The following VAV1 variants were observed in gnomAD, a reference collection of about 807,000 sequenced individuals.
VAV1 encodes vav guanine nucleotide exchange factor 1.
Under a neutral mutation model 128.1 loss-of-function variants are expected in VAV1, and 33 were observed. The ratio of observed to expected loss-of-function variants is 0.26; its 90% confidence interval spans 0.20 to 0.34. VAV1 has a LOEUF of 0.34. Among genes scored for constraint, VAV1 ranks in the 10% least tolerant of loss-of-function variants. VAV1 has a pLI of 1.00. For synonymous variants in VAV1, 394 were observed against 409.8 expected (o/e 0.96, Z 0.47); for missense variants, 715 against 1,093.7 (o/e 0.65, Z 4.88).
chr19:6,786,016 G>A (rs1039938357), intron 1 of VAV1, among the ~76,000 whole-genome samples: 3 of 151,814 alleles, frequency 2.0e-5, no homozygotes, highest in African/African-American at 7.3e-5. Context: ...CATAGATTTC[G>A]CCCTCCCAAC....
At chr19:6,775,919 G>C (rs1970610040) in intron 1 of VAV1, among the ~76,000 whole-genome samples, 1 of 151,632 alleles carries the variant, frequency 6.6e-6, no homozygotes, top group South Asian at 2.1e-4. Context: ...CCCAGTTTCT[G>C]TCATTTCTCT....
chr19:6,825,192 G>C, intron 7 of VAV1, 71 bp downstream of exon 7: 1 of 1,576,904 alleles, frequency 6.3e-7, no homozygotes, highest in Non-Finnish European at 8.7e-7. Flanking sequence ...ACCTCTCCCT[G>C]GAGTACGGGG....
intron 2 of VAV1, among the ~76,000 whole-genome samples, chr19:6,821,212 T>A (rs1971774178): frequency 6.6e-6 from 1 of 152,028 alleles, no homozygotes; most frequent in African/African-American, 2.4e-5. Context: ...CCACCCTGGC[T>A]AACACAGTGA....
At chr19:6,853,873 G>A in intron 25 of VAV1, 74 bp from the exon 26 acceptor site, 3 of 1,563,614 alleles carry the variant, frequency 1.9e-6, no homozygotes, top group East Asian at 4.5e-5. Flanking sequence ...TTACTGTCCT[G>A]AGAGCTTGTG....
chr19:6,801,213 C>A (rs1971260770), intron 1 of VAV1, among the ~76,000 whole-genome samples: 1 of 152,232 alleles, frequency 6.6e-6, no homozygotes, highest in Non-Finnish European at 1.5e-5. Context: ...TGAATTAATG[C>A]ATGACCGGGT....
At chr19:6,837,202 C>A in intron 21 of VAV1, 152 bp downstream of exon 21, 1 of 727,512 alleles carries the variant, frequency 1.4e-6, no homozygotes, top group Non-Finnish European at 2.3e-6. Context: ...CCCACCCCAC[C>A]AACTGAGCCC....
chr19:6,786,241 C>G (rs1970890645), intron 1 of VAV1, among the ~76,000 whole-genome samples: 1 of 152,116 alleles, frequency 6.6e-6, no homozygotes, highest in African/African-American at 2.4e-5. Flanking sequence ...ATATATGATT[C>G]TAATTGCTTC....
At chr19:6,836,730 G>A (rs914197711) in intron 20 of VAV1, among the ~76,000 whole-genome samples, 162 bp downstream of exon 20, 13 of 151,912 alleles carry the variant, frequency 8.6e-5, no homozygotes, top group African/African-American at 2.9e-4. Context: ...TTTTCTGAGC[G>A]GGCCATCTTC....
At chr19:6,780,125 A>AATAATG (rs1970738443) in intron 1 of VAV1, among the ~76,000 whole-genome samples, 1 of 131,196 alleles carries the variant, frequency 7.6e-6, no homozygotes, top group African/African-American at 2.9e-5. Flanking sequence ...TAATAATAAT[A>AATAATG]ATAATAATAA....
chr19:6,822,614 C>T lies in VAV1; in HGVS notation c.654+100C>T. Reference sequence around the variant, plus strand: ...GGCCGCTCTGGGCAGCTGAGGATTTCCTGCTCCCATCGCTTTTCCTTTCTG... The same window carrying T: ...GGCCGCTCTGGGCAGCTGAGGATTTTCTGCTCCCATCGCTTTTCCTTTCTG... On this transcript the variant is annotated intron_variant, in intron 6 of 26. Transcript: ENST00000602142. This position sits in a 1 kb window ranked among gnomAD's most constrained non-coding sequence, Gnocchi z 5.9. 1 of 1,028,996 alleles carries T rather than the reference C, an allele frequency of 9.7e-7. No homozygotes were observed. Among genetic ancestry groups the T allele is most frequent in the Non-Finnish European group, 1.4e-6 (1 of 712,334 alleles). The allele number at this position is 1,028,996 out of a possible 1,614,324, so 63.7% of individuals were successfully genotyped here. A position where few individuals can be genotyped will look rare whatever the true frequency, so the allele number is the denominator to read the frequency against.
chr19:6,844,271 C>T (rs112230375), intron 22 of VAV1, among the ~76,000 whole-genome samples: 11 of 151,298 alleles, frequency 7.3e-5, no homozygotes, highest in Non-Finnish European at 1.2e-4. Context: ...CAGGCTGGAG[C>T]GCAATGGCGT....
chr19:6,827,447 G>T (rs2144780593), intron 9 of VAV1, among the ~76,000 whole-genome samples: 1 of 151,918 alleles, frequency 6.6e-6, no homozygotes, highest in South Asian at 2.1e-4. Flanking sequence ...GCTAATTTTT[G>T]TGTTTTTTGC....
At chr19:6,814,684 CTT>C (rs1396708691) in intron 1 of VAV1, among the ~76,000 whole-genome samples, 10 of 111,696 alleles carry the variant, frequency 9.0e-5, no homozygotes, top group African/African-American at 4.2e-4. Context: ...TTCTTTCTTT[CTT>C]TCTTTCTTTC....
rs781567864 is a variant in VAV1 at position 6,828,753 on chromosome 19, G to A, written c.1179+45G>A. ...TGGGCCAGGGGTGTGGCCACGTGGG[G>A]AGAGTGTGTGTCTGGCTCCTTTCTT... On this transcript the variant is annotated intron_variant, in intron 12 of 26. Coordinates refer to ENST00000602142, the MANE Select transcript of VAV1 (RefSeq NM_005428.4). This position sits in a 1 kb window ranked among gnomAD's most constrained non-coding sequence, Gnocchi z 4.5. 1 of 1,614,046 alleles carries A rather than the reference G, an allele frequency of 6.2e-7. No homozygotes were observed. The highest frequency in any genetic ancestry group is 1.1e-5 in the South Asian group (1 of 91,062).
At chr19:6,842,653 G>T (rs998742506) in intron 21 of VAV1, among the ~76,000 whole-genome samples, 1 of 151,914 alleles carries the variant, frequency 6.6e-6, no homozygotes, top group Non-Finnish European at 1.5e-5. Flanking sequence ...ACCATCCCCC[G>T]CCCGATCTTG....
At chr19:6,814,668 C>CTT (rs1436166179) in intron 1 of VAV1, among the ~76,000 whole-genome samples, 1 of 75,336 alleles carries the variant, frequency 1.3e-5, no homozygotes, top group Non-Finnish European at 2.4e-5. Context: ...TCCTTCCTTC[C>CTT]TTCCTTTCTT....
At chr19:6,780,457 C>T (rs1333266346) in intron 1 of VAV1, among the ~76,000 whole-genome samples, 1 of 150,844 alleles carries the variant, frequency 6.6e-6, no homozygotes, top group African/African-American at 2.4e-5. Flanking sequence ...GCATACTGCA[C>T]ACCTGGGCTA....
At chr19:6,853,903 T>C (rs1478052361) in intron 25 of VAV1, 44 bp from the exon 26 acceptor site, 1 of 1,591,700 alleles carries the variant, frequency 6.3e-7, no homozygotes, top group Admixed American at 1.7e-5. Flanking sequence ...AGTGAGTGGG[T>C]ATCTGCCCCA....
intron 23 of VAV1, among the ~76,000 whole-genome samples, chr19:6,848,419 C>CT (rs34702560): frequency 0.23 from 33,706 of 149,512 alleles, 4,426 homozygotes; most frequent in East Asian, 0.38. Context: ...CTTTTCTTTT[C>CT]TTTTTTTTTC....
Sources: allele counts gnomAD v4.1 joint callset (sites outside exome capture counted in the v4.1 genomes callset), GRCh38; gene constraint gnomAD v4.1.1; non-coding constraint Gnocchi (gnomAD v3.1); transcripts MANE v1.5; gene names NCBI Gene and HGNC (gene_info 2026-07-23, HGNC 2026-07-21).